The following CNTN6 variants were observed in gnomAD, a reference collection of about 807,000 sequenced individuals.
CNTN6 encodes contactin 6.
In CNTN6, 137 loss-of-function variants were observed where a neutral mutation model predicts 122.8. The ratio of observed to expected loss-of-function variants is 1.12; its 90% CI spans 0.97 to 1.29. The LOEUF is 1.29. Ranked by LOEUF, CNTN6 falls within the 50% of genes most tolerant of loss-of-function variation. CNTN6 has a pLI of 0.00. For synonymous variants in CNTN6, 570 were observed against 426.0 expected (o/e 1.34, Z -4.16); for missense variants, 1,634 against 1,223.4 (o/e 1.34, Z -5.01).
In CNTN6 at chr3:1,374,048, AG is replaced by A. The variant is rs1709509650; in HGVS notation, c.2071del (p.Glu691AsnfsTer3). ...IGIGEPSEPS[E>X]LLRTKASVPV... is the part of the protein sequence containing the mutation. The stretch of plus-strand genomic sequence containing the variant: ...GGATTGGAGAACCAAGTGAACCATC[AG>A]AATTGTTAAGAACTAAAGCATCAGG... On this transcript the variant is annotated frameshift_variant, in exon 16 of 23. Transcript: ENST00000446702. LOFTEE classifies it high-confidence loss of function. The A allele has an allele frequency of 6.2e-7, 1 of 1,612,848 alleles. No homozygotes were observed.
chr3:1,109,933 G>T (rs2091402415), intron 1 of CNTN6, among the ~76,000 whole-genome samples: 1 of 151,786 alleles, frequency 6.6e-6, no homozygotes, highest in Non-Finnish European at 1.5e-5. Context: ...TCTATATACA[G>T]GTCTTTATAG....
At chr3:1,315,037 G>T (rs1188200619) in intron 7 of CNTN6, among the ~76,000 whole-genome samples, 1 of 151,872 alleles carries the variant, frequency 6.6e-6, no homozygotes, top group Non-Finnish European at 1.5e-5. Flanking sequence ...TGTAAAATTG[G>T]AGTTTAAAGG....
chr3:1,175,029 A>T (rs1473082709), intron 2 of CNTN6, among the ~76,000 whole-genome samples: 1 of 151,906 alleles, frequency 6.6e-6, no homozygotes, highest in Non-Finnish European at 1.5e-5. Flanking sequence ...TGAACCCAGG[A>T]GTTTGAGACC....
chr3:1,357,746 T>C (rs1039723774), intron 12 of CNTN6, among the ~76,000 whole-genome samples: 4 of 151,910 alleles, frequency 2.6e-5, no homozygotes, highest in Admixed American at 2.6e-4. Context: ...ACCGCAGCCT[T>C]CATTCATTAG....
chr3:1,128,611 T>A (rs1042513005), intron 1 of CNTN6, among the ~76,000 whole-genome samples: 1 of 151,986 alleles, frequency 6.6e-6, no homozygotes, highest in South Asian at 2.1e-4. Flanking sequence ...GATGGGATCA[T>A]TGAGTTTAGA....
intron 1 of CNTN6, among the ~76,000 whole-genome samples, chr3:1,096,484 C>T (rs943170778): frequency 1.3e-5 from 2 of 152,162 alleles, no homozygotes; most frequent in African/African-American, 4.8e-5. Context: ...TGTTGTATCT[C>T]ATTTGTCTAC....
At chr3:1,329,734 C>A in intron 10 of CNTN6, 51 bp from the exon 11 acceptor site, 1 of 1,520,376 alleles carries the variant, frequency 6.6e-7, no homozygotes, top group South Asian at 1.2e-5. Flanking sequence ...CCTGGAGTCA[C>A]TACATGTTAA....
chr3:1,271,982 G>T (rs893999824), intron 4 of CNTN6, among the ~76,000 whole-genome samples: 1 of 152,156 alleles, frequency 6.6e-6, no homozygotes, highest in African/African-American at 2.4e-5. Flanking sequence ...GACCCAGTGG[G>T]AGGTAATTGA....
In CNTN6 at chr3:1,132,658, AAAATAAAT is replaced by A. The variant is rs71303111; in HGVS notation, c.-82-15242_-82-15235del. On this transcript the variant is annotated intron_variant, in intron 1 of 22. Coordinates refer to ENST00000446702, the MANE Select transcript of CNTN6 (RefSeq NM_001289080.2). ...GATAACAGAGGGAAACTCTGTCTAA[AAAATAAAT>A]AAATAAATAAATAAATAAATAAATA... Among the ~76,000 whole-genome samples, 108 of 144,500 alleles carry A rather than the reference AAAATAAAT, an allele frequency of 7.5e-4. 1 individual carries two copies. The highest frequency in any genetic ancestry group is 2.4e-3 in the African/African-American group (93 of 39,210). 94.8% of individuals were successfully genotyped at this position (144,500 alleles called of 152,430 possible).
At chr3:1,126,630 T>G (rs557405133) in intron 1 of CNTN6, among the ~76,000 whole-genome samples, 2 of 152,030 alleles carry the variant, frequency 1.3e-5, no homozygotes, top group East Asian at 3.9e-4. Flanking sequence ...TTGTTCAATT[T>G]TGTATCACTG....
At chr3:1,352,507 A>G in intron 12 of CNTN6, 56 bp downstream of exon 12, 1 of 1,584,064 alleles carries the variant, frequency 6.3e-7, no homozygotes, top group Non-Finnish European at 8.6e-7. Flanking sequence ...CAGGCATATT[A>G]TGACTTGTGT....
chr3:1,191,171 G>A (rs557745987), intron 2 of CNTN6, among the ~76,000 whole-genome samples: 1 of 151,982 alleles, frequency 6.6e-6, no homozygotes, highest in Non-Finnish European at 1.5e-5. Context: ...TTTGTCCCTG[G>A]TTCCTGACAC....
At chr3:1,207,191 G>A (rs13095651) in intron 2 of CNTN6, among the ~76,000 whole-genome samples, 57,133 of 151,468 alleles carry the variant, frequency 0.38, 12,068 homozygotes, top group African/African-American at 0.6. Flanking sequence ...GCACAAGCCA[G>A]CTGTTCTACT....
chr3:1,332,837 G>A (rs1702514265), intron 11 of CNTN6, among the ~76,000 whole-genome samples: 1 of 151,942 alleles, frequency 6.6e-6, no homozygotes, highest in Non-Finnish European at 1.5e-5. Context: ...ACCATTACGT[G>A]GTAGCCAAAT....
intron 2 of CNTN6, among the ~76,000 whole-genome samples, chr3:1,170,820 T>C (rs1224367834): frequency 6.6e-6 from 1 of 152,194 alleles, no homozygotes; most frequent in Non-Finnish European, 1.5e-5. Context: ...TCTCTGCTCT[T>C]TAAGAAGTTG....
At chr3:1,372,692 G>T in intron 13 of CNTN6, 146 bp from the exon 14 acceptor site, 2 of 681,968 alleles carry the variant, frequency 2.9e-6, no homozygotes. Context: ...TAATAAAAGG[G>T]TTTAGATACA....
intron 4 of CNTN6, 22 bp downstream of exon 4, chr3:1,228,015 T>A (rs1385918441): frequency 3.1e-6 from 5 of 1,604,262 alleles, no homozygotes; most frequent in Non-Finnish European, 4.3e-6. Context: ...GTAAATTTTG[T>A]AATCTTTGTC....
At chr3:1,316,776 A>C (rs1700153709) in intron 7 of CNTN6, among the ~76,000 whole-genome samples, 1 of 151,894 alleles carries the variant, frequency 6.6e-6, no homozygotes, top group African/African-American at 2.4e-5. Context: ...AAATACGCTT[A>C]CATTAAAACA....
intron 11 of CNTN6, among the ~76,000 whole-genome samples, chr3:1,332,492 A>AT: frequency 1.6e-5 from 2 of 121,952 alleles, no homozygotes; most frequent in Admixed American, 9.4e-5. Flanking sequence ...GAAAGGAAGG[A>AT]AAAAAGGAAG....
Sources: gnomAD v4.1 joint callset for allele counts (sites outside exome capture counted in the v4.1 genomes callset) on GRCh38, gnomAD v4.1.1 for gene constraint, MANE v1.5 for transcripts, NCBI Gene and HGNC (gene_info 2026-07-23, HGNC 2026-07-21) for gene names.